The following BTN3A3 variants were observed in gnomAD, a reference collection of about 807,000 sequenced individuals.
The protein encoded by BTN3A3 is butyrophilin 3.
Under a neutral mutation model 43.2 loss-of-function variants are expected in BTN3A3, and 39 were observed. The ratio of observed to expected loss-of-function variants is 0.90; its 90% CI spans 0.70 to 1.18. The LOEUF (loss-of-function observed/expected upper bound fraction) is 1.18, where lower values mean the gene tolerates loss of function less well. Among genes scored for constraint, BTN3A3 ranks in the 50% most tolerant of loss-of-function variants. BTN3A3 has a pLI of 0.00. For synonymous variants in BTN3A3, 255 were observed against 272.7 expected, an observed-to-expected ratio of 0.93 and a Z score of 0.64; for missense variants, 631 against 722.8, an observed-to-expected ratio of 0.87 and a Z score of 1.46.
At chr6:26,449,451 C>G in intron 8 of BTN3A3, 3 of 604,410 alleles carry the variant, frequency 5.0e-6, no homozygotes, top group Non-Finnish European at 9.0e-6. Context: ...GGAACTCTCA[C>G]AGTGACTGCC....
chr6:26,441,909 C>T (rs879809018), intron 1 of BTN3A3, among the ~76,000 whole-genome samples: 1 of 152,074 alleles, frequency 6.6e-6, no homozygotes, highest in Non-Finnish European at 1.5e-5. Flanking sequence ...AGAATGAAAA[C>T]ATATGTCTCA....
In BTN3A3 at chr6:26,452,269, C is replaced by T. The variant is rs1386006870; in HGVS notation, c.1613C>T (p.Pro538Leu). 7.4e-6 allele frequency: 12 copies of T among 1,613,996 alleles called. No homozygotes were observed. The highest frequency in any genetic ancestry group is 6.7e-5 in the Admixed American group (4 of 59,982). The change falls in exon 11 of 11, where the codon CCG (proline) becomes CTG (leucine). Residue 538 changes from proline to leucine, a missense_variant. Pro to Leu is a moderately conservative substitution (Grantham distance 98, BLOSUM62 -3). Coordinates refer to ENST00000244519, the MANE Select transcript of BTN3A3 (RefSeq NM_006994.5). ...PDHSLETPLT[P>L]GLANESGEPQ... ...CATTCCCTGGAGACACCACTGACCC[C>T]GGGCTTAGCTAATGAAAGTGGGGAG...
chr6:26,442,374 G>A (rs996377744), intron 1 of BTN3A3, among the ~76,000 whole-genome samples: 2 of 152,170 alleles, frequency 1.3e-5, no homozygotes, highest in African/African-American at 4.8e-5. Context: ...AAAGGCCAAC[G>A]TGTTCTTTTG....
Position 26,451,875 on chromosome 6 carries a change from T to C in BTN3A3, c.1219T>C (p.Trp407Arg), listed in dbSNP as rs375702813. ...WEVEVGDRKE[W>R]HIGVCSKNVE... ...GGTGGAAGTGGGGGACAGAAAAGAG[T>C]GGCATATTGGGGTATGTAGTAAGAA... Residue 407 changes from tryptophan to arginine, a missense_variant, in exon 11 of 11, where the codon TGG becomes CGG. Trp to Arg is a moderately radical substitution (Grantham distance 101). Coordinates refer to ENST00000244519, the MANE Select transcript of BTN3A3 (RefSeq NM_006994.5). 2.2e-5 allele frequency: 36 copies of C among 1,613,574 alleles called. 1 individual carries two copies. Among genetic ancestry groups the C allele is most frequent in the Middle Eastern group, 3.3e-4 (2 of 6,082 alleles).
At chr6:26,450,614 G>A (rs1762904888) in intron 10 of BTN3A3, among the ~76,000 whole-genome samples, 7 of 152,168 alleles carry the variant, frequency 4.6e-5, no homozygotes, top group Admixed American at 3.3e-4. Flanking sequence ...GAAGACTGAA[G>A]TAATAATAAA....
In BTN3A3 at chr6:26,452,270, G is replaced by A. The variant is rs757126334; in HGVS notation, c.1614G>A (p.Pro538=). 1.5e-5 allele frequency: 24 copies of A among 1,613,934 alleles called. No homozygotes were observed. Among genetic ancestry groups the A allele is most frequent in the East Asian group, 1.1e-4 (5 of 44,896 alleles). ...ATTCCCTGGAGACACCACTGACCCC[G>A]GGCTTAGCTAATGAAAGTGGGGAGC... ...PDHSLETPLT[P]GLANESGEPQ... Residue 538 remains proline, a synonymous_variant, in exon 11 of 11, where the codon CCG becomes CCA. Transcript: ENST00000244519.
chr6:26,448,277 A>T lies in BTN3A3; in HGVS notation c.745A>T (p.Ile249Phe). The T allele has an allele frequency of 6.2e-7, 1 of 1,612,240 alleles. No individual in the cohort carries two copies. Among genetic ancestry groups the T allele is most frequent in the Non-Finnish European group, 8.5e-7 (1 of 1,179,618 alleles). Residue 249 changes from isoleucine (I) to phenylalanine (F), a missense_variant, in exon 6 of 11, where the codon ATC becomes TTC. Transcript: ENST00000244519. ...DPFFRSAQPWIAALAGTLPIS... is the reference protein window; with the variant it reads ...DPFFRSAQPWFAALAGTLPIS... Reference sequence around the variant, plus strand: ...CTTCTTCAGGAGCGCCCAGCCCTGGATCGCGGCCCTGGCAGGGACCCTGCC... The same window carrying T: ...CTTCTTCAGGAGCGCCCAGCCCTGGTTCGCGGCCCTGGCAGGGACCCTGCC...
intron 5 of BTN3A3, 39 bp downstream of exon 5, chr6:26,446,024 C>T (rs568339258): frequency 5.0e-6 from 8 of 1,608,178 alleles, no homozygotes; most frequent in East Asian, 4.5e-5. Context: ...CTGAGCTGAG[C>T]TGTGGCAGGT....
intron 10 of BTN3A3, among the ~76,000 whole-genome samples, chr6:26,451,190 T>C (rs1393877056): frequency 1.3e-5 from 2 of 152,176 alleles, no homozygotes; most frequent in Non-Finnish European, 2.9e-5. Context: ...ATGATTCCCC[T>C]ATACTACGCT....
rs187877618 is a variant in BTN3A3, at chr6:26,449,500, T to A, written c.965-162T>A. On this transcript the variant is annotated intron_variant, in intron 8 of 10. Transcript: ENST00000244519. ...TCAACCAATGTTCCCAGACTTGATA[T>A]TAAGAAGAAGAGGTGAAGAGAGAAT... The A allele has an allele frequency of 1.6e-4, 115 of 732,942 alleles. No homozygotes were observed. The African/African-American group carries it at 1.6e-3, about 10-fold the overall frequency. The allele number at this position is 732,942 out of a possible 1,614,324, so 45.4% of individuals were successfully genotyped here.
In BTN3A3 at chr6:26,452,237, G is replaced by T. The variant is rs1762952318; in HGVS notation, c.1581G>T (p.Val527=). 1 of 1,614,026 alleles carries T rather than the reference G, an allele frequency of 6.2e-7. No homozygotes were observed. Residue 527 remains valine, a synonymous_variant, in exon 11 of 11, where the codon GTG becomes GTT. Coordinates refer to ENST00000244519, the MANE Select transcript of BTN3A3 (RefSeq NM_006994.5). ...EVESSPDPDL[V]PDHSLETPLT... is the part of the protein sequence containing the mutation. ...AGAGTTCCCCCGATCCTGACCTAGTGCCTGATCATTCCCTGGAGACACCAC... is the reference window on the plus strand; with the variant it reads ...AGAGTTCCCCCGATCCTGACCTAGTTCCTGATCATTCCCTGGAGACACCAC...
chr6:26,443,717 T>C, intron 3 of BTN3A3, 58 bp downstream of exon 3: 1 of 1,583,922 alleles, frequency 6.3e-7, no homozygotes, highest in African/African-American at 1.3e-5. Flanking sequence ...ATTATCTCAA[T>C]TACCTAATTA....
At chr6:26,445,535 T>C in intron 4 of BTN3A3, 169 bp from the exon 5 acceptor site, 2 of 785,786 alleles carry the variant, frequency 2.5e-6, no homozygotes, top group South Asian at 1.9e-5. Context: ...GACCCTGGGA[T>C]ACTGCACTAG....
chr6:26,445,650 A>T, intron 4 of BTN3A3, 54 bp from the exon 5 acceptor site: 2 of 1,572,882 alleles, frequency 1.3e-6, no homozygotes, highest in East Asian at 2.2e-5. Context: ...TCCCATTGAG[A>T]CCCTCCCTGA....
At chr6:26,442,931 G>A (rs1762678822) in intron 1 of BTN3A3, among the ~76,000 whole-genome samples, 1 of 152,190 alleles carries the variant, frequency 6.6e-6, no homozygotes, top group African/African-American at 2.4e-5. Context: ...AATATAGTAG[G>A]CCTCACCCAT....
In BTN3A3 at chr6:26,452,058, G is replaced by A. The variant is rs1302303884; in HGVS notation, c.1402G>A (p.Glu468Lys). Reference sequence around the variant, plus strand: ...GAAAGTGGGGATCTTCCTGGACTATGAGACTGGAGAGATCTCGTTCTATAA... The same window carrying A: ...GAAAGTGGGGATCTTCCTGGACTATAAGACTGGAGAGATCTCGTTCTATAA... Reference protein sequence around the residue: ...PRKVGIFLDYETGEISFYNAT... With the variant: ...PRKVGIFLDYKTGEISFYNAT... The change falls in exon 11 of 11, where the codon GAG becomes AAG. Residue 468 changes from glutamate (E) to lysine (K), a missense_variant. Around this residue, in one of 2 missense-constraint regions of BTN3A3, gnomAD observed 551 missense variants for 584.0 expected, o/e 0.94. Coordinates refer to ENST00000244519, the MANE Select transcript of BTN3A3 (RefSeq NM_006994.5). 1.9e-6 allele frequency: 3 copies of A among 1,614,128 alleles called. No individual in the cohort carries two copies. The highest frequency in any genetic ancestry group is 2.2e-5 in the East Asian group (1 of 44,876).
intron 10 of BTN3A3, 115 bp from the exon 11 acceptor site, chr6:26,451,560 A>G: frequency 6.7e-7 from 1 of 1,487,426 alleles, no homozygotes; most frequent in Non-Finnish European, 8.9e-7. Flanking sequence ...AGAGCAGGCT[A>G]GGGACGCCAG....
chr6:26,450,180 A>G, intron 10 of BTN3A3, 47 bp downstream of exon 10: 1 of 1,593,494 alleles, frequency 6.3e-7, no homozygotes, highest in Non-Finnish European at 8.6e-7. Context: ...CTGAGGGACT[A>G]TATTCCTTTC....
Position 26,445,740 on chromosome 6 carries a change from A to C in BTN3A3, c.470A>C (p.Tyr157Ser). Residue 157 changes from tyrosine (Y) to serine (S), a missense_variant, in exon 5 of 11, where the codon TAT (tyrosine) becomes TCT (serine). Transcript: ENST00000244519. ...GATCTTCACATTGAAGTGAAGGGTTATGAGGATGGAGGGATCCATCTGGAG... is the reference window on the plus strand; with the variant it reads ...GATCTTCACATTGAAGTGAAGGGTTCTGAGGATGGAGGGATCCATCTGGAG... ...GSDLHIEVKG[Y>S]EDGGIHLECR... 6.2e-7 allele frequency: 1 copy of C among 1,614,204 alleles called. No individual in the cohort carries two copies. Among genetic ancestry groups the C allele is most frequent in the Non-Finnish European group, 8.5e-7 (1 of 1,180,032 alleles).
Sources: gnomAD v4.1 joint callset for allele counts (sites outside exome capture counted in the v4.1 genomes callset) on GRCh38, gnomAD v4.1.1 for gene constraint, gnomAD v4.1.1 regional missense constraint, MANE v1.5 for transcripts, NCBI Gene and HGNC (gene_info 2026-07-23, HGNC 2026-07-21) for gene names.